The following BABAM2 variants were observed in gnomAD, a reference collection of about 807,000 sequenced individuals.
The protein encoded by BABAM2 is BRISC and BRCA1 A complex member 2, also known as BRISC and BRCA1-A complex member 2.
Under a neutral mutation model 54.7 loss-of-function variants are expected in BABAM2, and 31 were observed. The observed-to-expected ratio is 0.57, with a 90% confidence interval of 0.43 to 0.77. BABAM2 has a LOEUF of 0.77. BABAM2 is among the 30% of genes least tolerant of loss of function. The pLI, the probability that BABAM2 is intolerant of heterozygous loss-of-function variation, is 0.00. For missense variants in BABAM2, 364 were observed against 455.8 expected, an observed-to-expected ratio of 0.80 and a Z score of 1.83; for synonymous variants, 167 against 162.9, an observed-to-expected ratio of 1.03 and a Z score of -0.19.
chr2:28,050,860 A>G (rs1573476349), intron 6 of BABAM2, among the ~76,000 whole-genome samples: 1 of 152,198 alleles, frequency 6.6e-6, no homozygotes, highest in Admixed American at 6.5e-5. Context: ...ATGATCATGC[A>G]GTCAGTGGTG....
Position 28,244,742 on chromosome 2 carries a change from G to A in BABAM2, c.852-38G>A. ...GCTTTTATACCTTAATTTTATGAGG[G>A]TTTTTTTTGTTTGTGTGTGTATGTT... On this transcript the variant is annotated intron_variant, in intron 9 of 11. Transcript: ENST00000379624. The A allele has an allele frequency of 4.5e-6, 7 of 1,550,712 alleles. No homozygotes were observed. In the South Asian group the frequency reaches 6.9e-5, roughly 15 times the overall value.
At chr2:27,945,322 C>T (rs1669220188) in intron 3 of BABAM2, among the ~76,000 whole-genome samples, 2 of 152,092 alleles carry the variant, frequency 1.3e-5, no homozygotes, top group Non-Finnish European at 2.9e-5. Flanking sequence ...AGCTACCATG[C>T]CTGGCCTTTG....
intron 7 of BABAM2, among the ~76,000 whole-genome samples, chr2:28,132,053 G>C (rs899545254): frequency 3.6e-4 from 55 of 151,980 alleles, no homozygotes; most frequent in South Asian, 2.1e-4. Context: ...GAAATGATTA[G>C]GGAAGGGTAT....
intron 10 of BABAM2, among the ~76,000 whole-genome samples, chr2:28,275,079 T>C (rs770966613): frequency 1.6e-4 from 24 of 152,208 alleles, no homozygotes; most frequent in Middle Eastern, 3.4e-3. Flanking sequence ...TCTGCCTTCG[T>C]TGGAGTCAGG....
intron 5 of BABAM2, among the ~76,000 whole-genome samples, chr2:28,026,848 ATATT>A (rs1268099032): frequency 2.4e-5 from 1 of 42,224 alleles, no homozygotes; most frequent in African/African-American, 9.3e-5. Context: ...ATATAAATAT[ATATT>A]TATATATATA....
At chr2:28,022,979 G>A (rs1446687189) in intron 4 of BABAM2, among the ~76,000 whole-genome samples, 1 of 152,218 alleles carries the variant, frequency 6.6e-6, no homozygotes, top group African/African-American at 2.4e-5. Flanking sequence ...ACAAGTAAAA[G>A]TGGTCGTGTA....
intron 7 of BABAM2, among the ~76,000 whole-genome samples, chr2:28,191,062 A>G (rs932456190): frequency 6.6e-6 from 1 of 152,214 alleles, no homozygotes; most frequent in Non-Finnish European, 1.5e-5. Context: ...AAACATATAT[A>G]TGACAAAGAA....
At chr2:28,078,486 A>G (rs1442880445) in intron 6 of BABAM2, among the ~76,000 whole-genome samples, 2 of 152,148 alleles carry the variant, frequency 1.3e-5, no homozygotes, top group African/African-American at 4.8e-5. Flanking sequence ...TTACAGTAAG[A>G]ATGAATCATC....
chr2:27,945,952 C>T (rs1369177497), intron 3 of BABAM2, among the ~76,000 whole-genome samples: 1 of 152,056 alleles, frequency 6.6e-6, no homozygotes, highest in African/African-American at 2.4e-5. Flanking sequence ...TTCTTCAACA[C>T]ATTTGCTTGT....
At chr2:28,059,623 T>C (rs1386639693) in intron 6 of BABAM2, among the ~76,000 whole-genome samples, 2 of 152,232 alleles carry the variant, frequency 1.3e-5, no homozygotes, top group Non-Finnish European at 2.9e-5. Flanking sequence ...CAAGGACTGC[T>C]GGTATTTCCA....
intron 4 of BABAM2, among the ~76,000 whole-genome samples, chr2:28,006,425 A>G (rs537276981): frequency 6.6e-6 from 1 of 152,210 alleles, no homozygotes; most frequent in African/African-American, 2.4e-5. Context: ...TATTTAGATA[A>G]TTGTATATAA....
intron 3 of BABAM2, among the ~76,000 whole-genome samples, chr2:27,934,471 G>A (rs150925451): frequency 4.5e-4 from 68 of 152,256 alleles, no homozygotes; most frequent in Admixed American, 7.8e-4. Flanking sequence ...AGACACAGCA[G>A]TATTGAAATT....
chr2:28,183,732 A>G (rs900483712), intron 7 of BABAM2, among the ~76,000 whole-genome samples: 16 of 25,542 alleles, frequency 6.3e-4, no homozygotes, highest in African/African-American at 1.7e-3. Flanking sequence ...TTACTTTTGG[A>G]TGAAGATCAC....
At chr2:28,039,313 C>T (rs1257317050) in intron 5 of BABAM2, among the ~76,000 whole-genome samples, 1 of 152,158 alleles carries the variant, frequency 6.6e-6, no homozygotes, top group Admixed American at 6.5e-5. Flanking sequence ...TGAATTGTAT[C>T]TACCAAGCAG....
intron 6 of BABAM2, among the ~76,000 whole-genome samples, chr2:28,109,198 T>C (rs1667782902): frequency 6.9e-6 from 1 of 145,080 alleles, no homozygotes; most frequent in South Asian, 2.3e-4. Flanking sequence ...TTTTTTTTTT[T>C]TTTTTTTTGA....
chr2:28,026,850 ATT>A (rs1491227675), intron 5 of BABAM2, among the ~76,000 whole-genome samples: 4 of 39,926 alleles, frequency 1.0e-4, no homozygotes, highest in East Asian at 8.7e-4. Context: ...ATAAATATAT[ATT>A]TATATATATA....
intron 6 of BABAM2, among the ~76,000 whole-genome samples, chr2:28,101,122 A>C (rs1667044422): frequency 6.6e-6 from 1 of 152,196 alleles, no homozygotes; most frequent in Non-Finnish European, 1.5e-5. Flanking sequence ...TTCTCATTTT[A>C]TAGTTGAGGA....
chr2:28,132,696 C>G (rs1670193135), intron 7 of BABAM2, among the ~76,000 whole-genome samples: 1 of 152,124 alleles, frequency 6.6e-6, no homozygotes, highest in Non-Finnish European at 1.5e-5. Flanking sequence ...CAACCATTTT[C>G]CCTGAGGACA....
intron 7 of BABAM2, among the ~76,000 whole-genome samples, chr2:28,201,220 A>G (rs1448837187): frequency 1.3e-5 from 2 of 152,216 alleles, no homozygotes; most frequent in Non-Finnish European, 2.9e-5. Context: ...CTATAAGGAA[A>G]GAAATTCCAG....
Sources: gnomAD v4.1 joint callset for allele counts (sites outside exome capture counted in the v4.1 genomes callset) on GRCh38, gnomAD v4.1.1 for gene constraint, MANE v1.5 for transcripts, NCBI Gene and HGNC (gene_info 2026-07-23, HGNC 2026-07-21) for gene names.